UBR3: variants seen among roughly 807,000 people sequenced by gnomAD.
UBR3 encodes the protein E3 ubiquitin-protein ligase UBR3.
Under a neutral mutation model 243.2 loss-of-function variants are expected in UBR3, and 85 were observed. That is an observed-to-expected ratio of 0.35 (90% CI 0.29 to 0.42). The LOEUF (loss-of-function observed/expected upper bound fraction) is 0.42, where lower values mean the gene tolerates loss of function less well. UBR3 is among the 10% of genes least tolerant of loss of function. The pLI is 1.00. For missense variants in UBR3, 1,686 were observed against 2,300.8 expected (o/e 0.73, Z 5.47); for synonymous variants, 748 against 799.8 (o/e 0.94, Z 1.09).
chr2:169,857,686 C>G (rs1174364810), intron 1 of UBR3, among the ~76,000 whole-genome samples: 3 of 151,826 alleles, frequency 2.0e-5, no homozygotes, highest in African/African-American at 7.3e-5. Flanking sequence ...CTTGGCCTCC[C>G]AAAGCGCTGG....
At chr2:169,865,091 A>C (rs1163658730) in intron 1 of UBR3, among the ~76,000 whole-genome samples, 1 of 152,074 alleles carries the variant, frequency 6.6e-6, no homozygotes, top group Non-Finnish European at 1.5e-5. Flanking sequence ...GTCTCGAAAA[A>C]AAAATTTTTT....
chr2:170,074,023 G>C (rs1444458400), intron 36 of UBR3, among the ~76,000 whole-genome samples: 1 of 152,178 alleles, frequency 6.6e-6, no homozygotes, highest in Non-Finnish European at 1.5e-5. Flanking sequence ...TACCAGCTCA[G>C]CTAGTTAAAG....
chr2:170,057,461 A>G (rs2091359855), intron 33 of UBR3, among the ~76,000 whole-genome samples: 1 of 152,192 alleles, frequency 6.6e-6, no homozygotes, highest in Admixed American at 6.5e-5. Flanking sequence ...ACTGCAATGT[A>G]ATCTGATATT....
chr2:170,059,601 A>G (rs1185820459), intron 33 of UBR3, among the ~76,000 whole-genome samples: 1 of 152,208 alleles, frequency 6.6e-6, no homozygotes, highest in South Asian at 2.1e-4. Flanking sequence ...CTTGTGAATT[A>G]TATGTAATCT....
chr2:169,878,669 T>C, intron 5 of UBR3, 95 bp downstream of exon 5: 13 of 1,144,342 alleles, frequency 1.1e-5, no homozygotes, highest in African/African-American at 1.6e-5. Context: ...TCTGAAACTG[T>C]ATAGATTTGT....
In UBR3 at chr2:169,877,478, A is replaced by C. The variant is rs749591381; in HGVS notation, c.845-16A>C. Reference sequence around the variant, plus strand: ...AATGGAATATTTTTTTCTGATTTGAAGTTTGTTTTAATTAGGTCTTGGAGA... The same window carrying C: ...AATGGAATATTTTTTTCTGATTTGACGTTTGTTTTAATTAGGTCTTGGAGA... On this transcript the variant is annotated splice_polypyrimidine_tract_variant and intron_variant, in intron 3 of 38. Coordinates refer to ENST00000272793, the MANE Select transcript of UBR3 (RefSeq NM_172070.4). 1 of 1,518,444 alleles carries C rather than the reference A, an allele frequency of 6.6e-7. No homozygotes were observed. The highest frequency in any genetic ancestry group is 8.8e-7 in the Non-Finnish European group (1 of 1,138,194). 94.1% of individuals were successfully genotyped at this position (1,518,444 alleles called of 1,614,324 possible). A position where few individuals can be genotyped will look rare whatever the true frequency, so the allele number is the denominator to read the frequency against.
chr2:169,884,678 T>C (rs2105319690), intron 5 of UBR3, among the ~76,000 whole-genome samples: 1 of 152,296 alleles, frequency 6.6e-6, no homozygotes, highest in South Asian at 2.1e-4. Context: ...ATGGCCTACA[T>C]GGAATAAAAA....
chr2:169,849,165 G>A (rs749511277), intron 1 of UBR3, among the ~76,000 whole-genome samples: 14 of 152,198 alleles, frequency 9.2e-5, no homozygotes, highest in African/African-American at 2.2e-4. Flanking sequence ...TTGGCGCAGC[G>A]TGGGGCCCTA....
intron 24 of UBR3, among the ~76,000 whole-genome samples, chr2:169,982,351 C>T (rs1332881311): frequency 6.6e-6 from 1 of 151,926 alleles, no homozygotes; most frequent in African/African-American, 2.4e-5. Flanking sequence ...TCTATAAATA[C>T]TTATTTTAGT....
intron 27 of UBR3, among the ~76,000 whole-genome samples, chr2:170,002,996 A>G (rs990176751): frequency 6.6e-6 from 1 of 152,138 alleles, no homozygotes; most frequent in African/African-American, 2.4e-5. Context: ...ATACAGGTCT[A>G]CTATATTCTC....
At chr2:169,925,304 G>A (rs1428248413) in intron 13 of UBR3, among the ~76,000 whole-genome samples, 3 of 152,088 alleles carry the variant, frequency 2.0e-5, no homozygotes, top group African/African-American at 4.8e-5. Flanking sequence ...GGGTTTTCTT[G>A]AGGGAGAAAT....
chr2:169,947,732 G>C lies in UBR3; in HGVS notation c.3084+17G>C, dbSNP rs957033274. 3 of 1,436,150 alleles carry C rather than the reference G, an allele frequency of 2.1e-6. No individual in the cohort carries two copies. The African/African-American group carries it at 4.4e-5, about 21-fold the overall frequency. 89.0% of individuals were successfully genotyped at this position (1,436,150 alleles called of 1,614,324 possible). A position where few individuals can be genotyped will look rare whatever the true frequency, so the allele number is the denominator to read the frequency against. On this transcript the variant is annotated intron_variant, in intron 22 of 38. Coordinates refer to ENST00000272793, the MANE Select transcript of UBR3 (RefSeq NM_172070.4). ...TCTTTACAAGTAAGTGTAAATGTAA[G>C]AAAGAAAATAAGAAAAAGCTTTATG...
intron 24 of UBR3, among the ~76,000 whole-genome samples, chr2:169,963,024 C>T (rs1290810116): frequency 1.3e-5 from 2 of 152,128 alleles, no homozygotes; most frequent in East Asian, 1.9e-4. Flanking sequence ...TCAGAGCGCC[C>T]AGATGCTAAC....
At chr2:169,866,675 T>G (rs2083277112) in intron 1 of UBR3, among the ~76,000 whole-genome samples, 2 of 152,210 alleles carry the variant, frequency 1.3e-5, no homozygotes, top group African/African-American at 4.8e-5. Context: ...GAAGAAGTTC[T>G]TAAATTCATT....
chr2:169,893,535 G>A (rs1226222162), intron 6 of UBR3, among the ~76,000 whole-genome samples: 1 of 152,158 alleles, frequency 6.6e-6, no homozygotes, highest in Admixed American at 6.5e-5. Context: ...ATTAAATTAG[G>A]TACAGCAGTG....
At chr2:169,885,413 T>G (rs2084053022) in intron 5 of UBR3, among the ~76,000 whole-genome samples, 4 of 151,978 alleles carry the variant, frequency 2.6e-5, no homozygotes, top group African/African-American at 9.7e-5. Context: ...GAAACCCCAT[T>G]TCTACTAAAA....
chr2:170,060,524 A>G (rs1403083373), intron 33 of UBR3, among the ~76,000 whole-genome samples: 1 of 152,136 alleles, frequency 6.6e-6, no homozygotes, highest in Non-Finnish European at 1.5e-5. Context: ...TTGTATGCAT[A>G]TGTTATATGC....
chr2:169,878,235 C>T (rs977813464), intron 4 of UBR3, among the ~76,000 whole-genome samples: 6 of 152,034 alleles, frequency 3.9e-5, no homozygotes, highest in African/African-American at 1.4e-4. Context: ...CTGGCAGGCG[C>T]CTGTAAGCCC....
chr2:170,005,629 A>G (rs1237127457), intron 27 of UBR3, among the ~76,000 whole-genome samples: 1 of 152,168 alleles, frequency 6.6e-6, no homozygotes, highest in Admixed American at 6.5e-5. Flanking sequence ...ATATTTTCAG[A>G]TCACGAGTAA....
Sources: allele counts gnomAD v4.1 joint callset (sites outside exome capture counted in the v4.1 genomes callset), GRCh38; gene constraint gnomAD v4.1.1; transcripts MANE v1.5; gene names NCBI Gene and HGNC (gene_info 2026-07-23, HGNC 2026-07-21).